Variants in NDUFC2 observed in about 807,000 individuals in gnomAD.
NDUFC2 encodes NADH:ubiquinone oxidoreductase subunit C2, also known as NADH dehydrogenase [ubiquinone] 1 subunit C2.
A neutral mutation model predicts 10.1 loss-of-function variants in NDUFC2; 2 were observed. The ratio of observed to expected loss-of-function variants is 0.20; its 90% confidence interval spans 0.08 to 0.62. The LOEUF is 0.62. Among genes scored for constraint, NDUFC2 ranks in the 20% least tolerant of loss-of-function variants. The pLI, the probability that NDUFC2 is intolerant of heterozygous loss-of-function variation, is 0.87. For missense variants in NDUFC2, 156 were observed against 159.6 expected, an observed-to-expected ratio of 0.98 and a Z score of 0.12; for synonymous variants, 61 against 63.6, an observed-to-expected ratio of 0.96 and a Z score of 0.20.
intron 2 of NDUFC2, 175 bp downstream of exon 2, chr11:78,072,823 G>A: frequency 1.1e-6 from 1 of 906,114 alleles, no homozygotes; most frequent in East Asian, 2.7e-5. Context: ...CTGTCCAAAG[G>A]ACACGGAGGT....
At chr11:78,070,332 A>G (rs1361425504) in intron 2 of NDUFC2, among the ~76,000 whole-genome samples, 1 of 152,180 alleles carries the variant, frequency 6.6e-6, no homozygotes, top group Non-Finnish European at 1.5e-5. Flanking sequence ...GGCATCATCT[A>G]TGAAGCAGAG....
intron 1 of NDUFC2, among the ~76,000 whole-genome samples, chr11:78,074,165 C>T (rs1272184602): frequency 6.6e-6 from 1 of 151,910 alleles, no homozygotes; most frequent in Non-Finnish European, 1.5e-5. Context: ...CAGGAATGAG[C>T]CACCACACTC....
rs779519357 is a variant in NDUFC2 at position 78,069,975 on chromosome 11, AT to A, written c.*11del. The A allele has an allele frequency of 3.7e-6, 6 of 1,612,536 alleles. No individual in the cohort carries two copies. The highest frequency in any genetic ancestry group is 3.3e-5 in the Admixed American group (2 of 59,954). On this transcript the variant is annotated 3_prime_UTR_variant, in exon 3 of 3. Transcript: ENST00000281031. ...AGGTATCAGTGAAACTGGAGCAAGCATTTTGAAGACTTCAACGTATTGGATG... is the reference window on the plus strand; with the variant it reads ...AGGTATCAGTGAAACTGGAGCAAGCATTTGAAGACTTCAACGTATTGGATG...
chr11:78,069,847 C>A lies in NDUFC2; in HGVS notation c.*140G>T. ...TATTTTTCTTACAACAATAAAGAGT[C>A]AGAGTACTCATGGTACGTATTTTAA... On this transcript the variant is annotated 3_prime_UTR_variant, in exon 3 of 3. Coordinates refer to ENST00000281031, the MANE Select transcript of NDUFC2 (RefSeq NM_004549.6). 1 of 1,560,578 alleles carries A rather than the reference C, an allele frequency of 6.4e-7. No homozygotes were observed. The highest frequency in any genetic ancestry group is 1.2e-5 in the South Asian group (1 of 86,222).
chr11:78,077,293 A>C (rs1465834021), intron 1 of NDUFC2, among the ~76,000 whole-genome samples: 1 of 147,420 alleles, frequency 6.8e-6, no homozygotes, highest in African/African-American at 2.5e-5. Flanking sequence ...CCCTGTCTCA[A>C]AAAAAAAAAA....
At position 78,071,187 on chromosome 11, in the gene NDUFC2, A is replaced by G. The variant is rs569588287; in HGVS notation, c.311-1151T>C. On this transcript the variant is annotated intron_variant, in intron 2 of 2. Coordinates refer to ENST00000281031, the MANE Select transcript of NDUFC2 (RefSeq NM_004549.6). ...TAATAAAATTTTAGAGCTAAATAAG[A>G]CCTTAGAGATCATTCAGTGTAATGA... Among the ~76,000 whole-genome samples, 9 of 151,858 alleles carry G rather than the reference A, an allele frequency of 5.9e-5. No individual in the cohort carries two copies. The East Asian group carries it at 1.7e-3, about 29-fold the overall frequency.
At chr11:78,079,065 T>A (rs117542928) in intron 1 of NDUFC2, among the ~76,000 whole-genome samples, 10 of 145,846 alleles carry the variant, frequency 6.9e-5, no homozygotes, top group Non-Finnish European at 1.2e-4. Flanking sequence ...GCTATTCGTA[T>A]GCACATTAAG....
At chr11:78,074,637 A>C (rs1180018147) in intron 1 of NDUFC2, among the ~76,000 whole-genome samples, 1 of 152,036 alleles carries the variant, frequency 6.6e-6, no homozygotes, top group African/African-American at 2.4e-5. Context: ...AAAAAGACCT[A>C]TCCTATCTTT....
In NDUFC2 at chr11:78,070,093, T is replaced by C. The variant is rs1274416774; in HGVS notation, c.311-57A>G. 3 of 1,273,180 alleles carry C rather than the reference T, an allele frequency of 2.4e-6. No individual in the cohort carries two copies. In the African/African-American group the frequency reaches 4.6e-5, roughly 19 times the overall value. 78.9% of individuals were successfully genotyped at this position (1,273,180 alleles called of 1,614,324 possible). A position where few individuals can be genotyped will look rare whatever the true frequency, so the allele number is the denominator to read the frequency against. On this transcript the variant is annotated intron_variant, in intron 2 of 2. Transcript: ENST00000281031. ...TTAAAAATATGTTTTAAAAATTGTA[T>C]TTCCTAAACGAAAATTAACACTCAC...
Position 78,069,778 on chromosome 11 carries a change from T to A in NDUFC2, c.*209A>T. The A allele has an allele frequency of 8.3e-7, 1 of 1,200,642 alleles. No homozygotes were observed. Among genetic ancestry groups the A allele is most frequent in the Non-Finnish European group, 1.2e-6 (1 of 851,328 alleles). 74.4% of individuals were successfully genotyped at this position (1,200,642 alleles called of 1,614,324 possible). On this transcript the variant is annotated 3_prime_UTR_variant, in exon 3 of 3. Transcript: ENST00000281031. ...TAGAATTCAACCTCATCTTAAAATC[T>A]TTCAGATGGGTGAATGGAAACTGAC...
rs745892168 is a variant in NDUFC2 at position 78,079,735 on chromosome 11, G to T, written c.10C>A (p.Arg4=). MIA[R]RNPEPLRFLP... ...AACCGTAAGGGTTCTGGGTTCCGCC[G>T]TGCGATCATGGTGACGCCGTTTCCA... is the stretch of plus-strand genomic sequence containing the variant. Residue 4 remains arginine (R), a synonymous_variant, in exon 1 of 3, where the codon CGG becomes AGG. Coordinates refer to ENST00000281031, the MANE Select transcript of NDUFC2 (RefSeq NM_004549.6). The T allele has an allele frequency of 6.2e-7, 1 of 1,606,884 alleles. No homozygotes were observed. The highest frequency in any genetic ancestry group is 1.7e-5 in the Admixed American group (1 of 58,152).
At chr11:78,073,601 G>A (rs1859110983) in intron 1 of NDUFC2, among the ~76,000 whole-genome samples, 1 of 151,812 alleles carries the variant, frequency 6.6e-6, no homozygotes, top group Non-Finnish European at 1.5e-5. Flanking sequence ...GAGGTCAGGA[G>A]TACAAGACCA....
chr11:78,074,663 T>C (rs1387276425), intron 1 of NDUFC2, among the ~76,000 whole-genome samples: 5 of 151,528 alleles, frequency 3.3e-5, no homozygotes, highest in African/African-American at 1.2e-4. Flanking sequence ...AGTAGTAGCA[T>C]ATAAAACAAG....
At chr11:78,079,183 T>C (rs942744502) in intron 1 of NDUFC2, among the ~76,000 whole-genome samples, 2 of 151,642 alleles carry the variant, frequency 1.3e-5, no homozygotes, top group African/African-American at 4.9e-5. Context: ...GTTAATCTGT[T>C]AGGCTCGGTT....
chr11:78,073,019 G>A lies in NDUFC2; in HGVS notation c.289C>T (p.Pro97Ser). The A allele has an allele frequency of 6.2e-7, 1 of 1,612,576 alleles. No homozygotes were observed. Among genetic ancestry groups the A allele is most frequent in the South Asian group, 1.1e-5 (1 of 90,726 alleles). Residue 97 changes from proline (P) to serine (S), a missense_variant, in exon 2 of 3, where the codon CCA becomes TCA. Pro to Ser is a moderately conservative substitution (Grantham distance 74). Coordinates refer to ENST00000281031, the MANE Select transcript of NDUFC2 (RefSeq NM_004549.6). ...REMFGYMKLH[P>S]EDFPEEDKKT... ...ATACCTTCTTCAGGAAAATCCTCTG[G>A]ATGTAATTTCATATATCCAAACATT...
Position 78,069,992 on chromosome 11 carries a change from G to A in NDUFC2, c.355C>T (p.Arg119Cys), listed in dbSNP as rs778952861. 1.7e-5 allele frequency: 27 copies of A among 1,608,786 alleles called. No individual in the cohort carries two copies. Among genetic ancestry groups the A allele is most frequent in the Admixed American group, 1.7e-5 (1 of 59,716 alleles). ...GEIFEKFHPI[R>C] The stretch of plus-strand genomic sequence containing the variant: ...GAGCAAGCATTTTGAAGACTTCAAC[G>A]TATTGGATGGAATTTTTCAAAAATT... Residue 119 changes from arginine (R) to cysteine (C), a missense_variant, in exon 3 of 3, where the codon CGT becomes TGT. Coordinates refer to ENST00000281031, the MANE Select transcript of NDUFC2 (RefSeq NM_004549.6).
At chr11:78,071,254 ATTTT>A (rs34320551) in intron 2 of NDUFC2, among the ~76,000 whole-genome samples, 2 of 127,734 alleles carry the variant, frequency 1.6e-5, no homozygotes, top group African/African-American at 2.9e-5. Flanking sequence ...TAACAGAAGA[ATTTT>A]TTTTTTTTTT....
chr11:78,072,746 A>G (rs1859061477), intron 2 of NDUFC2: 2 of 556,252 alleles, frequency 3.6e-6, no homozygotes, highest in African/African-American at 3.8e-5. Flanking sequence ...CAGTAGTGCC[A>G]TTCTCTGAAG....
chr11:78,075,712 G>A (rs1590784370), intron 1 of NDUFC2, among the ~76,000 whole-genome samples: 1 of 152,238 alleles, frequency 6.6e-6, no homozygotes, highest in South Asian at 2.1e-4. Context: ...AGTCTCCCAA[G>A]TAGCTGGGAT....
Sources: gnomAD v4.1 joint callset for allele counts (sites outside exome capture counted in the v4.1 genomes callset) on GRCh38, gnomAD v4.1.1 for gene constraint, MANE v1.5 for transcripts, NCBI Gene and HGNC (gene_info 2026-07-23, HGNC 2026-07-21) for gene names.